ARL15: variants seen among roughly 807,000 people sequenced by gnomAD.
ARL15 encodes the protein ADP-ribosylation factor-like protein 15.
Under a neutral mutation model 25.2 loss-of-function variants are expected in ARL15, and 19 were observed. The ratio of observed to expected loss-of-function variants is 0.75; its 90% CI spans 0.53 to 1.10. The LOEUF (loss-of-function observed/expected upper bound fraction) is 1.10. Among genes scored for constraint, ARL15 ranks in the 50% least tolerant of loss-of-function variants. ARL15 has a pLI of 0.00. For missense variants in ARL15, 220 were observed against 246.0 expected (o/e 0.89, Z 0.71); for synonymous variants, 94 against 86.8 (o/e 1.08, Z -0.46).
chr5:53,915,359 C>A (rs995680679), intron 4 of ARL15, among the ~76,000 whole-genome samples: 8 of 152,088 alleles, frequency 5.3e-5, no homozygotes, highest in African/African-American at 1.9e-4. Flanking sequence ...TCAAAGAACC[C>A]GTAGGCTACT....
At chr5:54,043,205 CTT>C (rs34940501) in intron 4 of ARL15, among the ~76,000 whole-genome samples, 44 of 149,972 alleles carry the variant, frequency 2.9e-4, no homozygotes, top group Admixed American at 2.0e-3. Context: ...ACACATGCCT[CTT>C]TTTTTTTTTA....
At chr5:54,200,700 TGA>T (rs2112481945) in intron 1 of ARL15, among the ~76,000 whole-genome samples, 1 of 152,288 alleles carries the variant, frequency 6.6e-6, no homozygotes, top group East Asian at 1.9e-4. Context: ...ATGGTATGAC[TGA>T]GAGAAAATAC....
At chr5:54,021,594 A>G (rs556145216) in intron 4 of ARL15, among the ~76,000 whole-genome samples, 19 of 152,300 alleles carry the variant, frequency 1.2e-4, no homozygotes, top group African/African-American at 4.6e-4. Flanking sequence ...ACAAAGAGAA[A>G]AAGTCTAAAA....
intron 4 of ARL15, among the ~76,000 whole-genome samples, chr5:53,972,367 TC>T (rs1340912690): frequency 1.3e-5 from 2 of 152,164 alleles, no homozygotes; most frequent in African/African-American, 4.8e-5. Context: ...TTTAGTTTGT[TC>T]CCCAGTAGCA....
Position 54,138,848 on chromosome 5 carries a change from T to A in ARL15, c.253+15732A>T, listed in dbSNP as rs1376094820. On this transcript the variant is annotated intron_variant, in intron 3 of 4. Coordinates refer to ENST00000504924, the MANE Select transcript of ARL15 (RefSeq NM_019087.3). Reference sequence around the variant, plus strand: ...AGAAAAAAACAATCCTATCAAAAAATAGGCAAATGACATGAATAGATATTC... The same window carrying A: ...AGAAAAAAACAATCCTATCAAAAAAAAGGCAAATGACATGAATAGATATTC... 4.6e-5 allele frequency among the ~76,000 whole-genome samples: 7 copies of A among 151,958 alleles called. No individual in the cohort carries two copies. In the East Asian group the frequency reaches 5.8e-4, roughly 13 times the overall value.
intron 4 of ARL15, among the ~76,000 whole-genome samples, chr5:53,979,829 T>TTGTGTGTGTGTGTGTG (rs70986653): frequency 7.0e-6 from 1 of 143,070 alleles, no homozygotes; most frequent in Non-Finnish European, 1.5e-5. Flanking sequence ...TTAAAGTCTT[T>TTGTGTGTGTGTGTGTG]TGTGTGTGTG....
At chr5:54,003,932 G>T (rs1748935817) in intron 4 of ARL15, among the ~76,000 whole-genome samples, 1 of 152,108 alleles carries the variant, frequency 6.6e-6, no homozygotes, top group Non-Finnish European at 1.5e-5. Context: ...TAAACATGAA[G>T]AGTATTAAAA....
chr5:53,892,139 G>A (rs1031626741), intron 4 of ARL15, among the ~76,000 whole-genome samples: 21 of 152,244 alleles, frequency 1.4e-4, no homozygotes, highest in Non-Finnish European at 2.4e-4. Context: ...CAATAAAGAG[G>A]GATATGATTA....
intron 1 of ARL15, among the ~76,000 whole-genome samples, chr5:54,239,330 TA>T (rs748754584): frequency 9.9e-5 from 15 of 152,022 alleles, no homozygotes; most frequent in Admixed American, 2.0e-4. Context: ...TCTTCTGAAG[TA>T]AAATATTGGT....
At chr5:54,303,169 A>G (rs1427466221) in intron 1 of ARL15, among the ~76,000 whole-genome samples, 1 of 152,118 alleles carries the variant, frequency 6.6e-6, no homozygotes, top group East Asian at 1.9e-4. Context: ...TCTATTGGGA[A>G]CAGCTGACTT....
chr5:54,279,201 A>G (rs1487768204), intron 1 of ARL15, among the ~76,000 whole-genome samples: 1 of 134,450 alleles, frequency 7.4e-6, no homozygotes, highest in Admixed American at 8.2e-5. Flanking sequence ...GGAGCTAATA[A>G]GAGTTTGTTT....
chr5:54,163,356 CTTTTTTTTTTTTT>C (rs869196680), intron 2 of ARL15, among the ~76,000 whole-genome samples: 2 of 55,708 alleles, frequency 3.6e-5, no homozygotes, highest in East Asian at 5.5e-4. Flanking sequence ...TGGTATGAAG[CTTTTTTTTTTTTT>C]TTTTTTTTTT....
chr5:54,260,934 C>T (rs535853920), intron 1 of ARL15, among the ~76,000 whole-genome samples: 4 of 152,292 alleles, frequency 2.6e-5, no homozygotes, highest in Admixed American at 6.5e-5. Context: ...AATGAGTAAA[C>T]TCCATGCTTC....
chr5:54,207,509 G>A (rs1755903366), intron 1 of ARL15, among the ~76,000 whole-genome samples: 1 of 152,186 alleles, frequency 6.6e-6, no homozygotes, highest in South Asian at 2.1e-4. Flanking sequence ...CCTCTTTAAA[G>A]TGGCAGGTTG....
chr5:54,266,620 A>G (rs2112634179), intron 1 of ARL15, among the ~76,000 whole-genome samples: 1 of 152,382 alleles, frequency 6.6e-6, no homozygotes, highest in Middle Eastern at 3.4e-3. Flanking sequence ...CTGAAAACCA[A>G]ATAATCTTCA....
chr5:54,156,178 G>A (rs1754227101), intron 2 of ARL15, among the ~76,000 whole-genome samples: 1 of 152,128 alleles, frequency 6.6e-6, no homozygotes, highest in Non-Finnish European at 1.5e-5. Flanking sequence ...TGTTATCCCA[G>A]TACTTTAATA....
chr5:53,891,782 G>A (rs968677989), intron 4 of ARL15, among the ~76,000 whole-genome samples: 9 of 152,172 alleles, frequency 5.9e-5, no homozygotes, highest in Non-Finnish European at 1.2e-4. Flanking sequence ...GCTTTGGAAA[G>A]TTTTGCCCTA....
At chr5:54,220,373 A>C (rs1756338242) in intron 1 of ARL15, among the ~76,000 whole-genome samples, 1 of 152,174 alleles carries the variant, frequency 6.6e-6, no homozygotes. Flanking sequence ...GAAACTTCTA[A>C]AGAGATATAC....
chr5:54,054,862 G>A (rs1750813973), intron 4 of ARL15, among the ~76,000 whole-genome samples: 1 of 151,758 alleles, frequency 6.6e-6, no homozygotes, highest in Admixed American at 6.6e-5. Flanking sequence ...TTGTCAAATG[G>A]CCACAACCTA....
Sources: gnomAD v4.1 joint callset for allele counts (sites outside exome capture counted in the v4.1 genomes callset) on GRCh38, gnomAD v4.1.1 for gene constraint, MANE v1.5 for transcripts, NCBI Gene and HGNC (gene_info 2026-07-23, HGNC 2026-07-21) for gene names.